Variants in B3GALT1 observed in about 807,000 individuals in gnomAD.
B3GALT1 encodes the protein UDP-Gal:betaGlcNAc beta 1,3-galactosyltransferase, polypeptide 1.
Under a neutral mutation model 23.2 loss-of-function variants are expected in B3GALT1, and 10 were observed. The ratio of observed to expected loss-of-function variants is 0.43; its 90% CI spans 0.27 to 0.73. The LOEUF (loss-of-function observed/expected upper bound fraction) is 0.73. Among genes scored for constraint, B3GALT1 ranks in the 30% least tolerant of loss-of-function variants. The probability of loss-of-function intolerance (pLI) is 0.21; values close to 1 mark genes in which losing one functional copy is unlikely to be tolerated. For synonymous variants in B3GALT1, 156 were observed against 141.5 expected (o/e 1.10, Z -0.73); for missense variants, 299 against 405.4 (o/e 0.74, Z 2.25).
intron 3 of B3GALT1, among the ~76,000 whole-genome samples, chr2:167,812,523 A>T (rs1196417520): frequency 6.6e-6 from 1 of 152,204 alleles, no homozygotes; most frequent in East Asian, 1.9e-4. Flanking sequence ...GGTAGATATC[A>T]ATTAGAACAT....
chr2:167,778,460 T>C (rs1207011296), intron 3 of B3GALT1, among the ~76,000 whole-genome samples: 1 of 152,210 alleles, frequency 6.6e-6, no homozygotes, highest in African/African-American at 2.4e-5. Context: ...ATTTAAACAT[T>C]CTTTCCAATC....
intron 3 of B3GALT1, among the ~76,000 whole-genome samples, chr2:167,733,723 A>G (rs142101707): frequency 1.3e-5 from 2 of 152,294 alleles, no homozygotes; most frequent in East Asian, 3.9e-4. Flanking sequence ...TCTCCGTAAC[A>G]GTGTTCTACT....
At chr2:167,752,572 TC>T (rs1008405129) in intron 3 of B3GALT1, among the ~76,000 whole-genome samples, 3 of 134,664 alleles carry the variant, frequency 2.2e-5, no homozygotes, top group African/African-American at 8.3e-5. Context: ...AATAGCATCC[TC>T]CCCCCCGCCC....
chr2:167,421,863 C>A (rs559657808), intron 1 of B3GALT1, among the ~76,000 whole-genome samples: 1 of 152,298 alleles, frequency 6.6e-6, no homozygotes, highest in African/African-American at 2.4e-5. Flanking sequence ...ACAGTCTTAT[C>A]AAAGAAAGAA....
intron 1 of B3GALT1, among the ~76,000 whole-genome samples, chr2:167,318,901 C>A (rs1540822): frequency 0.8 from 121,814 of 151,990 alleles, 50,129 homozygotes; most frequent in Non-Finnish European, 0.9. Flanking sequence ...TCCCAGCAAC[C>A]CAGAGGATCA....
At chr2:167,306,197 A>G (rs1237810822) in intron 1 of B3GALT1, among the ~76,000 whole-genome samples, 1 of 152,066 alleles carries the variant, frequency 6.6e-6, no homozygotes, top group Non-Finnish European at 1.5e-5. Context: ...ATGGCCAACA[A>G]TAGACTTATG....
At chr2:167,698,999 A>G (rs1324484231) in intron 3 of B3GALT1, among the ~76,000 whole-genome samples, 1 of 152,236 alleles carries the variant, frequency 6.6e-6, no homozygotes, top group African/African-American at 2.4e-5. Context: ...TGACGAGAGA[A>G]TAAAGAGATC....
intron 1 of B3GALT1, among the ~76,000 whole-genome samples, chr2:167,307,635 T>G (rs141112748): frequency 1.3e-3 from 205 of 152,164 alleles, no homozygotes; most frequent in Middle Eastern, 6.8e-3. Flanking sequence ...TTGCCAGGAC[T>G]GTCATCAGAA....
chr2:167,431,097 C>T (rs1362706884), intron 1 of B3GALT1, among the ~76,000 whole-genome samples: 1 of 151,944 alleles, frequency 6.6e-6, no homozygotes, highest in Non-Finnish European at 1.5e-5. Flanking sequence ...ACTTTGATAG[C>T]CAATTGAGTG....
chr2:167,523,478 T>G (rs1038176778), intron 2 of B3GALT1, among the ~76,000 whole-genome samples: 3 of 150,698 alleles, frequency 2.0e-5, no homozygotes, highest in Non-Finnish European at 4.4e-5. Context: ...CAGGCTGGAG[T>G]GCAGTGGCAC....
chr2:167,349,814 T>G (rs548022747), intron 1 of B3GALT1, among the ~76,000 whole-genome samples: 2 of 152,084 alleles, frequency 1.3e-5, no homozygotes, highest in Non-Finnish European at 2.9e-5. Context: ...TTGCTGCACT[T>G]AGTATTCCAT....
intron 2 of B3GALT1, among the ~76,000 whole-genome samples, chr2:167,611,816 A>T (rs1410158996): frequency 6.6e-6 from 1 of 151,960 alleles, no homozygotes; most frequent in Admixed American, 6.6e-5. Context: ...GGCCTTAAGG[A>T]TGACTTTGCC....
At chr2:167,808,715 C>G (rs939468782) in intron 3 of B3GALT1, among the ~76,000 whole-genome samples, 1 of 151,906 alleles carries the variant, frequency 6.6e-6, no homozygotes, top group Admixed American at 6.5e-5. Context: ...CTGCCCTTAA[C>G]ATTTTTTCCT....
chr2:167,858,048 G>C (rs943131378), intron 4 of B3GALT1, among the ~76,000 whole-genome samples: 5 of 151,998 alleles, frequency 3.3e-5, no homozygotes, highest in African/African-American at 9.7e-5. Context: ...GGCTGTTTTC[G>C]TATACACAGA....
chr2:167,554,629 A>G (rs1281963554), intron 2 of B3GALT1, among the ~76,000 whole-genome samples: 4 of 152,180 alleles, frequency 2.6e-5, no homozygotes, highest in African/African-American at 9.6e-5. Context: ...AGTAAAGACT[A>G]TTTTAGCCAT....
intron 1 of B3GALT1, among the ~76,000 whole-genome samples, chr2:167,482,447 C>T (rs1699573664): frequency 6.6e-6 from 1 of 152,132 alleles, no homozygotes; most frequent in Admixed American, 6.5e-5. Flanking sequence ...AACTTAGACA[C>T]TACATTTTCA....
At chr2:167,493,662 A>C (rs1467901223) in intron 2 of B3GALT1, among the ~76,000 whole-genome samples, 1 of 152,180 alleles carries the variant, frequency 6.6e-6, no homozygotes, top group African/African-American at 2.4e-5. Flanking sequence ...GACGGACTCC[A>C]GTGCAGGAGG....
chr2:167,533,997 G>GTTCGT (rs1683373778), intron 2 of B3GALT1, among the ~76,000 whole-genome samples: 1 of 151,932 alleles, frequency 6.6e-6, no homozygotes, highest in African/African-American at 2.4e-5. Flanking sequence ...CTGTTGAAAA[G>GTTCGT]TTTGTTTTAT....
At chr2:167,547,693 CAAAAAAAA>C in intron 2 of B3GALT1, among the ~76,000 whole-genome samples, 1 of 75,518 alleles carries the variant, frequency 1.3e-5, no homozygotes, top group South Asian at 4.4e-4. Context: ...GACTCTGTCT[CAAAAAAAA>C]AAAAAAAAAA....
Sources: allele counts gnomAD v4.1 joint callset (sites outside exome capture counted in the v4.1 genomes callset), GRCh38; gene constraint gnomAD v4.1.1; transcripts MANE v1.5; gene names NCBI Gene and HGNC (gene_info 2026-07-23, HGNC 2026-07-21).